CUBN: variants seen among roughly 807,000 people sequenced by gnomAD.
CUBN encodes the protein cubilin, also known as 460 kDa receptor.
CUBN carries 282 observed loss-of-function variants against 405.3 expected under a neutral mutation model. The observed-to-expected ratio is 0.70, with a 90% CI of 0.63 to 0.77. CUBN has a LOEUF of 0.77. Ranked by LOEUF, CUBN falls within the 30% of genes least tolerant of loss-of-function variation. The pLI, the probability that CUBN is intolerant of heterozygous loss-of-function variation, is 0.00. For missense variants in CUBN, 4,514 were observed against 4,475.2 expected (o/e 1.01, Z -0.25); for synonymous variants, 1,684 against 1,617.0 (o/e 1.04, Z -0.99).
At chr10:16,948,334 T>C in intron 35 of CUBN, 144 bp downstream of exon 35, 1 of 1,004,876 alleles carries the variant, frequency 1.0e-6, no homozygotes, top group Non-Finnish European at 1.5e-6. Context: ...CACGATCACT[T>C]AATTGGGAAG....
At chr10:16,994,206 A>T (rs1270352367) in intron 28 of CUBN, among the ~76,000 whole-genome samples, 2 of 152,200 alleles carry the variant, frequency 1.3e-5, no homozygotes, top group Non-Finnish European at 2.9e-5. Context: ...TCATTCACTC[A>T]TAAGTGTTTA....
intron 35 of CUBN, among the ~76,000 whole-genome samples, chr10:16,947,992 C>T (rs1392354326): frequency 1.3e-5 from 2 of 152,174 alleles, no homozygotes; most frequent in African/African-American, 2.4e-5. Flanking sequence ...TGGTGGATCA[C>T]GAGGTCAGGA....
intron 17 of CUBN, among the ~76,000 whole-genome samples, chr10:17,078,797 T>TCTTG (rs1485548438): frequency 6.1e-4 from 93 of 152,274 alleles, no homozygotes; most frequent in African/African-American, 2.2e-3. Context: ...TTCCATGCAA[T>TCTTG]ATTGTTTCCA....
chr10:17,046,102 A>G lies in CUBN; in HGVS notation c.3330-8T>C. On this transcript the variant is annotated splice_region_variant and splice_polypyrimidine_tract_variant and intron_variant, in intron 23 of 66. Coordinates refer to ENST00000377833, the MANE Select transcript of CUBN (RefSeq NM_001081.4). ...TTTTCATAGCCTCCATCTCTGGCAG[A>G]ATACAGAAATTAAAATTTATTGGGT... The G allele has an allele frequency of 6.2e-7, 1 of 1,612,324 alleles. No individual in the cohort carries two copies. Among genetic ancestry groups the G allele is most frequent in the Non-Finnish European group, 8.5e-7 (1 of 1,178,594 alleles).
At chr10:16,993,431 T>C (rs959673513) in intron 28 of CUBN, among the ~76,000 whole-genome samples, 28 of 152,220 alleles carry the variant, frequency 1.8e-4, no homozygotes, top group Non-Finnish European at 4.0e-4. Context: ...AACAGGATAC[T>C]AATACCCTTA....
chr10:16,921,854 C>T (rs1042834263), intron 43 of CUBN, among the ~76,000 whole-genome samples: 1 of 152,158 alleles, frequency 6.6e-6, no homozygotes, highest in Admixed American at 6.5e-5. Flanking sequence ...GTTCTGACCT[C>T]GAGATTCCTG....
intron 8 of CUBN, 38 bp from the exon 9 acceptor site, chr10:17,111,088 G>A: frequency 6.2e-7 from 1 of 1,611,258 alleles, no homozygotes; most frequent in Non-Finnish European, 8.5e-7. Flanking sequence ...TAGCTCTATA[G>A]ACAAGTCAAC....
intron 58 of CUBN, among the ~76,000 whole-genome samples, chr10:16,872,491 C>T (rs755545119): frequency 2.6e-5 from 4 of 151,918 alleles, no homozygotes; most frequent in Non-Finnish European, 4.4e-5. Context: ...GGAAGTGGGG[C>T]CTATGGGAGG....
At chr10:16,898,084 ATATG>A in intron 54 of CUBN, among the ~76,000 whole-genome samples, 1 of 148,226 alleles carries the variant, frequency 6.7e-6, no homozygotes, top group Admixed American at 6.7e-5. Flanking sequence ...ATATATATAT[ATATG>A]TTATACACAT....
chr10:16,864,447 T>C (rs1840105935), intron 59 of CUBN, among the ~76,000 whole-genome samples: 1 of 152,144 alleles, frequency 6.6e-6, no homozygotes, highest in South Asian at 2.1e-4. Context: ...ATAGAGTCTT[T>C]CACTCTGACA....
intron 28 of CUBN, among the ~76,000 whole-genome samples, chr10:16,997,998 A>G (rs762360504): frequency 1.3e-5 from 2 of 152,176 alleles, no homozygotes; most frequent in Non-Finnish European, 2.9e-5. Flanking sequence ...AACTGGAGTG[A>G]TCACGAGATG....
intron 54 of CUBN, among the ~76,000 whole-genome samples, chr10:16,894,750 G>A (rs1841132337): frequency 6.6e-6 from 1 of 152,178 alleles, no homozygotes; most frequent in Non-Finnish European, 1.5e-5. Context: ...GAGAAAATTT[G>A]ATAGGAATTG....
intron 54 of CUBN, among the ~76,000 whole-genome samples, chr10:16,895,860 A>G (rs1841166435): frequency 6.6e-6 from 1 of 152,180 alleles, no homozygotes; most frequent in African/African-American, 2.4e-5. Flanking sequence ...TAACTAAACT[A>G]TTTACAATTA....
At chr10:16,860,349 T>C (rs1028118423) in intron 59 of CUBN, among the ~76,000 whole-genome samples, 1 of 152,144 alleles carries the variant, frequency 6.6e-6, no homozygotes, top group Non-Finnish European at 1.5e-5. Context: ...CTATGGAAGT[T>C]ATACTAAATC....
In CUBN at chr10:16,869,559, G is replaced by T. The variant is rs1840288242; in HGVS notation, c.9454+77C>A. On this transcript the variant is annotated intron_variant, in intron 59 of 66. Transcript: ENST00000377833. ...AAGCAATCATAATCAGGTGGGGGTG[G>T]GGGGGGGGCGGGGAAATTAAATAAA... 3 of 916,404 alleles carry T rather than the reference G, an allele frequency of 3.3e-6. 1 individual carries two copies. Among genetic ancestry groups the T allele is most frequent in the African/African-American group, 5.5e-5 (2 of 36,416 alleles). 56.8% of individuals were successfully genotyped at this position (916,404 alleles called of 1,614,324 possible).
chr10:16,856,135 T>A (rs1366523923), intron 59 of CUBN, among the ~76,000 whole-genome samples: 1 of 152,196 alleles, frequency 6.6e-6, no homozygotes, highest in East Asian at 1.9e-4. Context: ...TTTACCATAC[T>A]GATATTTTGA....
rs1336823633 is a variant in CUBN, at chr10:16,839,983, G to A, written c.10032+347C>T. 3.4e-5 allele frequency among the ~76,000 whole-genome samples: 5 copies of A among 148,978 alleles called. No homozygotes were observed. The East Asian group carries it at 6.0e-4, about 18-fold the overall frequency. Reference sequence around the variant, plus strand: ...TCGCAAGGACAAAAAACCAAACACCGCATATTCTCACTCATAGGTGGGAAT... The same window carrying A: ...TCGCAAGGACAAAAAACCAAACACCACATATTCTCACTCATAGGTGGGAAT... On this transcript the variant is annotated intron_variant, in intron 62 of 66. Coordinates refer to ENST00000377833, the MANE Select transcript of CUBN (RefSeq NM_001081.4).
chr10:16,951,583 T>C (rs1842922067), intron 33 of CUBN, among the ~76,000 whole-genome samples: 1 of 152,202 alleles, frequency 6.6e-6, no homozygotes, highest in African/African-American at 2.4e-5. Flanking sequence ...TTTGCAGCCA[T>C]TCTGTCATGT....
intron 14 of CUBN, among the ~76,000 whole-genome samples, chr10:17,097,154 G>A (rs1048235340): frequency 3.3e-5 from 5 of 152,044 alleles, no homozygotes; most frequent in Non-Finnish European, 7.4e-5. Flanking sequence ...GGAGCCAATA[G>A]TTGGAATTTT....
Sources: gnomAD v4.1 joint callset for allele counts (sites outside exome capture counted in the v4.1 genomes callset) on GRCh38, gnomAD v4.1.1 for gene constraint, MANE v1.5 for transcripts, NCBI Gene and HGNC (gene_info 2026-07-23, HGNC 2026-07-21) for gene names.